NCALD: variants seen among roughly 807,000 people sequenced by gnomAD.
NCALD encodes the protein neurocalcin-delta.
A neutral mutation model predicts 18.6 loss-of-function variants in NCALD; 10 were observed. The ratio of observed to expected loss-of-function variants is 0.54; its 90% confidence interval spans 0.33 to 0.91. The LOEUF (loss-of-function observed/expected upper bound fraction) is 0.91, where lower values mean the gene tolerates loss of function less well. NCALD is among the 40% of genes least tolerant of loss of function. The pLI is 0.03. For synonymous variants in NCALD, 88 were observed against 87.4 expected, an observed-to-expected ratio of 1.01 and a Z score of -0.04; for missense variants, 184 against 247.6, an observed-to-expected ratio of 0.74 and a Z score of 1.72.
At chr8:101,821,659 C>G (rs1176198557) in intron 4 of NCALD, among the ~76,000 whole-genome samples, 2 of 152,048 alleles carry the variant, frequency 1.3e-5, no homozygotes, top group Non-Finnish European at 2.9e-5. Context: ...CAAAGTGCTT[C>G]CAATCTATTG....
intron 2 of NCALD, among the ~76,000 whole-genome samples, chr8:101,937,735 G>A (rs954628807): frequency 6.6e-6 from 1 of 152,162 alleles, no homozygotes; most frequent in African/African-American, 2.4e-5. Context: ...GCTAGGTCCT[G>A]TATGAAGTCA....
intron 3 of NCALD, among the ~76,000 whole-genome samples, chr8:101,905,576 CT>C (rs1286641067): frequency 6.6e-6 from 1 of 152,098 alleles, no homozygotes; most frequent in Non-Finnish European, 1.5e-5. Context: ...TTTAAATTGC[CT>C]TCTGACTAGT....
At chr8:101,893,683 T>C (rs1339517983) in intron 3 of NCALD, among the ~76,000 whole-genome samples, 1 of 125,838 alleles carries the variant, frequency 7.9e-6, no homozygotes, top group African/African-American at 3.6e-5. Flanking sequence ...ACCAAGCAAA[T>C]GGAAAACAAA....
chr8:101,699,234 T>A (rs1364359851), intron 2 of NCALD, among the ~76,000 whole-genome samples: 1 of 152,206 alleles, frequency 6.6e-6, no homozygotes, highest in Non-Finnish European at 1.5e-5. Context: ...CCAGTCACAA[T>A]GGTGATTATT....
intron 2 of NCALD, among the ~76,000 whole-genome samples, chr8:101,963,483 G>A (rs1009194317): frequency 6.6e-6 from 1 of 152,118 alleles, no homozygotes; most frequent in African/African-American, 2.4e-5. Context: ...GACTCCAGTT[G>A]TTGCTGGCAT....
chr8:101,697,967 C>G (rs1158981840), intron 2 of NCALD, among the ~76,000 whole-genome samples: 2 of 152,076 alleles, frequency 1.3e-5, no homozygotes, highest in East Asian at 3.9e-4. Context: ...AGAAATAAAG[C>G]ATATTCAAAT....
At chr8:101,951,955 G>A (rs1175346224) in intron 2 of NCALD, among the ~76,000 whole-genome samples, 3 of 152,208 alleles carry the variant, frequency 2.0e-5, no homozygotes, top group African/African-American at 7.2e-5. Context: ...TGGACTAAGC[G>A]AGAGAGAGGA....
intron 1 of NCALD, among the ~76,000 whole-genome samples, chr8:102,028,548 T>A (rs1485238447): frequency 6.6e-6 from 1 of 152,184 alleles, no homozygotes; most frequent in Admixed American, 6.5e-5. Flanking sequence ...AACCTTCTGA[T>A]GGGAAAATAA....
chr8:102,031,390 A>G (rs1266332089), intron 1 of NCALD, among the ~76,000 whole-genome samples: 1 of 152,240 alleles, frequency 6.6e-6, no homozygotes, highest in Non-Finnish European at 1.5e-5. Flanking sequence ...CAACTGATAT[A>G]AAAGTCCAGG....
At chr8:101,763,964 C>T (rs1563744059) in intron 1 of NCALD, among the ~76,000 whole-genome samples, 1 of 110,666 alleles carries the variant, frequency 9.0e-6, no homozygotes, top group Non-Finnish European at 1.8e-5. Context: ...CTCTCTCTCT[C>T]TCCACACACA....
intron 2 of NCALD, among the ~76,000 whole-genome samples, chr8:101,946,809 C>CA (rs71268537): frequency 0.047 from 3,070 of 65,574 alleles, 223 homozygotes; most frequent in African/African-American, 0.1. Context: ...CATCAATTAG[C>CA]AAAAAAAAAA....
chr8:101,869,846 T>C (rs1373447586), intron 4 of NCALD, among the ~76,000 whole-genome samples: 3 of 152,194 alleles, frequency 2.0e-5, no homozygotes, highest in African/African-American at 7.2e-5. Context: ...ATAAAATCAT[T>C]CAGGAGTGTG....
chr8:101,804,885 A>C (rs1813042564), intron 4 of NCALD, among the ~76,000 whole-genome samples: 1 of 151,510 alleles, frequency 6.6e-6, no homozygotes, highest in African/African-American at 2.4e-5. Context: ...AACCTGCAAT[A>C]CCTCTGAGAA....
intron 4 of NCALD, among the ~76,000 whole-genome samples, chr8:101,875,178 T>A (rs188426938): frequency 8.9e-4 from 135 of 152,324 alleles, no homozygotes; most frequent in African/African-American, 3.1e-3. Flanking sequence ...ATTTCACAGA[T>A]GAAGAACTGG....
At chr8:102,003,994 C>T (rs1821592910) in intron 2 of NCALD, among the ~76,000 whole-genome samples, 1 of 151,596 alleles carries the variant, frequency 6.6e-6, no homozygotes, top group Non-Finnish European at 1.5e-5. Flanking sequence ...TCTCTCACCA[C>T]TCCTATTCAA....
chr8:101,808,474 T>C (rs2131126149), intron 4 of NCALD, among the ~76,000 whole-genome samples: 1 of 152,308 alleles, frequency 6.6e-6, no homozygotes, highest in African/African-American at 2.4e-5. Context: ...TCCTCTAATA[T>C]CCATTTTCTC....
chr8:101,998,283 T>G (rs1241989901), intron 2 of NCALD, among the ~76,000 whole-genome samples: 1 of 152,222 alleles, frequency 6.6e-6, no homozygotes, highest in Non-Finnish European at 1.5e-5. Flanking sequence ...TGCATCTGCT[T>G]TGCATTTCCT....
At chr8:101,736,227 T>G (rs549548462) in intron 1 of NCALD, among the ~76,000 whole-genome samples, 1 of 152,298 alleles carries the variant, frequency 6.6e-6, no homozygotes, top group South Asian at 2.1e-4. Flanking sequence ...AAGCTCCCAT[T>G]ATGTAAGTAG....
intron 4 of NCALD, among the ~76,000 whole-genome samples, chr8:101,808,322 G>T (rs990139401): frequency 4.6e-5 from 7 of 152,100 alleles, no homozygotes; most frequent in South Asian, 4.1e-4. Context: ...CTGTTAGAAG[G>T]TTCCTTATGA....
Sources: allele counts gnomAD v4.1 joint callset (sites outside exome capture counted in the v4.1 genomes callset), GRCh38; gene constraint gnomAD v4.1.1; transcripts MANE v1.5; gene names NCBI Gene and HGNC (gene_info 2026-07-23, HGNC 2026-07-21).